The following RNF125 variants were observed in gnomAD, a reference collection of about 807,000 sequenced individuals.
The protein encoded by RNF125 is ring finger protein 125, also known as E3 ubiquitin-protein ligase RNF125.
In RNF125, 21 loss-of-function variants were observed where a neutral mutation model predicts 26.0. The ratio of observed to expected loss-of-function variants is 0.81; its 90% CI spans 0.57 to 1.16. The LOEUF is 1.16. Ranked by LOEUF, RNF125 falls within the 50% of genes most tolerant of loss-of-function variation. RNF125 has a pLI of 0.00. For missense variants in RNF125, 270 were observed against 299.4 expected, an observed-to-expected ratio of 0.90 and a Z score of 0.72; for synonymous variants, 95 against 109.2, an observed-to-expected ratio of 0.87 and a Z score of 0.81.
chr18:32,025,664 CAAAAAAAAAA>C (rs34054474), intron 1 of RNF125, among the ~76,000 whole-genome samples: 16,657 of 65,350 alleles, frequency 0.25, 1,422 homozygotes, highest in East Asian at 0.4. Context: ...AACTCTGTCT[CAAAAAAAAAA>C]AAAAAAAAAA....
chr18:32,085,416 A>AGAGAGAGAG, the RNF125 span, among the ~76,000 whole-genome samples: 29 of 125,146 alleles, frequency 2.3e-4, no homozygotes, highest in African/African-American at 6.5e-4. Flanking sequence ...AGAGAGAGAG[A>AGAGAGAGAG]AAGCTGGGTG....
At chr18:32,044,351 GA>G (rs2039248194) in intron 3 of RNF125, among the ~76,000 whole-genome samples, 1 of 152,006 alleles carries the variant, frequency 6.6e-6, no homozygotes, top group Non-Finnish European at 1.5e-5. Context: ...TTCTAGTAGC[GA>G]CATTTAAACA....
At chr18:32,086,218 GT>G in the RNF125 span, among the ~76,000 whole-genome samples, 28 of 142,188 alleles carry the variant, frequency 2.0e-4, no homozygotes, top group African/African-American at 7.3e-4. Flanking sequence ...GAGTAGATTT[GT>G]CTTTTTTTTT....
intron 4 of RNF125, among the ~76,000 whole-genome samples, chr18:32,046,166 G>A (rs1174622243): frequency 4.5e-5 from 6 of 133,766 alleles, no homozygotes; most frequent in African/African-American, 1.4e-4. Flanking sequence ...GCAGTGAGCC[G>A]AGATGGAGCC....
At chr18:32,037,615 G>A (rs1265848085) in intron 2 of RNF125, among the ~76,000 whole-genome samples, 1 of 151,904 alleles carries the variant, frequency 6.6e-6, no homozygotes, top group Non-Finnish European at 1.5e-5. Context: ...CTCATTACCC[G>A]CCTGCCTCGG....
downstream of RNF125, among the ~76,000 whole-genome samples, chr18:32,074,156 T>C (rs1159166400): frequency 6.6e-6 from 1 of 152,226 alleles, no homozygotes; most frequent in East Asian, 1.9e-4. Flanking sequence ...CCAGGGAAGC[T>C]GTTCTCCAGC....
Position 32,063,996 on chromosome 18 carries a change from CT to C in RNF125, c.505-1896del, listed in dbSNP as rs200886496. On this transcript the variant is annotated intron_variant, in intron 4 of 5. Transcript: ENST00000217740. ...TTTTTTTTTTTTAATCCATCAAGTC[CT>C]TTTTTTTTTCTTTTTGAGACAGGGT... Among the ~76,000 whole-genome samples, 103 of 145,044 alleles carry C rather than the reference CT, an allele frequency of 7.1e-4. No individual in the cohort carries two copies. The East Asian group carries it at 0.017, about 24-fold the overall frequency.
At chr18:32,022,003 C>T (rs1004342332) in intron 1 of RNF125, among the ~76,000 whole-genome samples, 1 of 152,148 alleles carries the variant, frequency 6.6e-6, no homozygotes, top group Non-Finnish European at 1.5e-5. Flanking sequence ...TACTTGGTCC[C>T]CTTCCACTTT....
rs1029544250 is a variant in RNF125, at chr18:32,061,275, T to TC, written c.505-4627_505-4626insC. Among the ~76,000 whole-genome samples the TC allele has an allele frequency of 1.8e-3, 274 of 152,016 alleles. 1 individual carries two copies. The highest frequency in any genetic ancestry group is 6.2e-3 in the African/African-American group (258 of 41,498). ...TCCTGACCTCATGATCCGCCCACCT[T>TC]GCCCTCCCAAAGTGCTGGGATTACA... On this transcript the variant is annotated intron_variant, in intron 4 of 5. Transcript: ENST00000217740.
At chr18:32,020,202 C>A (rs1459812417) in intron 1 of RNF125, among the ~76,000 whole-genome samples, 1 of 152,014 alleles carries the variant, frequency 6.6e-6, no homozygotes, top group Admixed American at 6.5e-5. Context: ...CGCCCACCCC[C>A]ACACCCGGCT....
intron 3 of RNF125, 60 bp downstream of exon 3, chr18:32,042,333 T>C: frequency 1.9e-6 from 2 of 1,076,892 alleles, no homozygotes; most frequent in Non-Finnish European, 1.4e-6. Context: ...AAGAATTTAA[T>C]GGGCTGGAAA....
At chr18:32,053,926 C>T (rs1335499275) in intron 4 of RNF125, among the ~76,000 whole-genome samples, 1 of 151,954 alleles carries the variant, frequency 6.6e-6, no homozygotes, top group Non-Finnish European at 1.5e-5. Context: ...GGGTATTTGA[C>T]TCCATGTATC....
intron 1 of RNF125, 43 bp downstream of exon 1, chr18:32,019,070 G>T: frequency 6.3e-7 from 1 of 1,598,412 alleles, no homozygotes; most frequent in South Asian, 1.1e-5. Context: ...CCCTAAGGAG[G>T]GCGATGTGGG....
chr18:32,029,090 A>G (rs1010629693), intron 1 of RNF125, among the ~76,000 whole-genome samples: 22 of 152,210 alleles, frequency 1.4e-4, no homozygotes, highest in Non-Finnish European at 2.6e-4. Flanking sequence ...AAGTTGATCT[A>G]TGACATTTCT....
intron 4 of RNF125, among the ~76,000 whole-genome samples, chr18:32,058,965 T>C (rs576318893): frequency 6.6e-6 from 1 of 152,336 alleles, no homozygotes; most frequent in South Asian, 2.1e-4. Flanking sequence ...ATCTCATTCG[T>C]TTTTATGACT....
chr18:32,056,621 CAAA>C (rs58384246), intron 4 of RNF125, among the ~76,000 whole-genome samples: 16,555 of 95,470 alleles, frequency 0.17, 994 homozygotes, highest in African/African-American at 0.25. Flanking sequence ...AACTCCGTCT[CAAA>C]AAAAAAAAAA....
In RNF125 at chr18:32,038,043, A is replaced by ATTTT. The variant is rs35226765; in HGVS notation, c.318+794_318+797dup. ...ACCACTCACTCTTTGGGTCCGTGCC[A>ATTTT]TTTTTTTTTTTTTTTTTTTTTTTGA... On this transcript the variant is annotated intron_variant, in intron 2 of 5. Transcript: ENST00000217740. Among the ~76,000 whole-genome samples the ATTTT allele has an allele frequency of 1.1e-3, 110 of 103,376 alleles. 2 individuals are homozygous for ATTTT. Among genetic ancestry groups the ATTTT allele is most frequent in the Non-Finnish European group, 1.5e-3 (78 of 52,622 alleles). The allele number at this position is 103,376 out of a possible 152,430, so 67.8% of individuals were successfully genotyped here. A position where few individuals can be genotyped will look rare whatever the true frequency, so the allele number is the denominator to read the frequency against.
downstream of RNF125, chr18:32,075,819 C>G: frequency 1.4e-5 from 8 of 575,352 alleles, no homozygotes; most frequent in East Asian, 7.2e-5. Flanking sequence ...CCATTGTTTT[C>G]TTTGTTGTTG....
At chr18:32,034,503 T>C (rs2039132503) in intron 1 of RNF125, among the ~76,000 whole-genome samples, 1 of 152,186 alleles carries the variant, frequency 6.6e-6, no homozygotes, top group Non-Finnish European at 1.5e-5. Flanking sequence ...TCCTTATCTA[T>C]AAATGGAAAT....
Sources: gnomAD v4.1 joint callset for allele counts (sites outside exome capture counted in the v4.1 genomes callset) on GRCh38, gnomAD v4.1.1 for gene constraint, MANE v1.5 for transcripts, NCBI Gene and HGNC (gene_info 2026-07-23, HGNC 2026-07-21) for gene names.